Variants in MEI4 observed in about 807,000 individuals in gnomAD.
MEI4 encodes the protein meiosis-specific protein MEI4.
A neutral mutation model predicts 31.4 loss-of-function variants in MEI4; 27 were observed. The ratio of observed to expected loss-of-function variants is 0.86; its 90% confidence interval spans 0.63 to 1.19. The LOEUF is 1.19. Ranked by LOEUF, MEI4 falls within the 50% of genes most tolerant of loss-of-function variation. The pLI is 0.00. For missense variants in MEI4, 329 were observed against 398.9 expected, an observed-to-expected ratio of 0.82 and a Z score of 1.49; for synonymous variants, 122 against 145.4, an observed-to-expected ratio of 0.84 and a Z score of 1.16.
chr6:77,767,075 A>G (rs556156661), intron 3 of MEI4, among the ~76,000 whole-genome samples: 1 of 152,222 alleles, frequency 6.6e-6, no homozygotes, highest in South Asian at 2.1e-4. Flanking sequence ...CCTTGCTTAT[A>G]GCTGTATTAA....
chr6:77,685,433 A>G (rs896286825), intron 1 of MEI4, among the ~76,000 whole-genome samples: 3 of 149,894 alleles, frequency 2.0e-5, no homozygotes, highest in Admixed American at 6.7e-5. Flanking sequence ...AGTCCCTTGT[A>G]TATTTTGGAT....
chr6:77,858,052 T>C (rs1770783536), intron 4 of MEI4, among the ~76,000 whole-genome samples: 1 of 152,200 alleles, frequency 6.6e-6, no homozygotes, highest in African/African-American at 2.4e-5. Context: ...AGGAATCATA[T>C]TCAGGTATAA....
intron 4 of MEI4, among the ~76,000 whole-genome samples, chr6:77,883,342 A>G (rs71563079): frequency 0.14 from 21,259 of 151,958 alleles, 1,765 homozygotes; most frequent in East Asian, 0.39. Context: ...GAAATATATA[A>G]TAAATTATTG....
At chr6:77,908,069 T>C (rs1036708856) in intron 4 of MEI4, among the ~76,000 whole-genome samples, 10 of 151,842 alleles carry the variant, frequency 6.6e-5, no homozygotes, top group African/African-American at 2.4e-4. Context: ...GATGAGTAGA[T>C]TGCAAAAATT....
At chr6:77,897,267 G>C (rs1390771164) in intron 4 of MEI4, among the ~76,000 whole-genome samples, 4 of 151,888 alleles carry the variant, frequency 2.6e-5, no homozygotes, top group Non-Finnish European at 5.9e-5. Context: ...ACCAACAAGG[G>C]CCTCTGCCAT....
Position 77,827,394 on chromosome 6 carries a change from C to T in MEI4, c.769-1537C>T, listed in dbSNP as rs58367286. Among the ~76,000 whole-genome samples the T allele has an allele frequency of 7.2e-3, 969 of 135,464 alleles. 13 individuals are homozygous for T. Among genetic ancestry groups the T allele is most frequent in the African/African-American group, 0.025 (928 of 36,894 alleles). The allele number at this position is 135,464 out of a possible 152,430, so 88.9% of individuals were successfully genotyped here. A position where few individuals can be genotyped will look rare whatever the true frequency, so the allele number is the denominator to read the frequency against. On this transcript the variant is annotated intron_variant, in intron 3 of 4. Transcript: ENST00000684080. Reference sequence around the variant, plus strand: ...AAAAAAAAAAAAAAAAAAGAACCTACATAATTAGGTAACTCTGAAACAGCT... The same window carrying T: ...AAAAAAAAAAAAAAAAAAGAACCTATATAATTAGGTAACTCTGAAACAGCT...
intron 2 of MEI4, among the ~76,000 whole-genome samples, chr6:77,692,465 C>G (rs941212840): frequency 6.6e-6 from 1 of 151,952 alleles, no homozygotes; most frequent in Non-Finnish European, 1.5e-5. Context: ...GAAAGAGGAA[C>G]ATAGAGGATG....
chr6:77,704,399 G>T (rs1766287639), intron 2 of MEI4, among the ~76,000 whole-genome samples: 1 of 152,148 alleles, frequency 6.6e-6, no homozygotes, highest in Non-Finnish European at 1.5e-5. Flanking sequence ...CTTGATTATA[G>T]ATAAGGAAAT....
intron 3 of MEI4, among the ~76,000 whole-genome samples, chr6:77,791,571 A>G (rs1768934617): frequency 6.7e-6 from 1 of 149,536 alleles, no homozygotes; most frequent in Admixed American, 6.7e-5. Context: ...TGGGAGATAT[A>G]CCTAATGCTA....
At chr6:77,879,690 C>T (rs1188670689) in intron 4 of MEI4, among the ~76,000 whole-genome samples, 1 of 152,072 alleles carries the variant, frequency 6.6e-6, no homozygotes, top group East Asian at 1.9e-4. Context: ...TGGCCATCTG[C>T]GGTATATACT....
At chr6:77,817,731 CT>C (rs1769721359) in intron 3 of MEI4, among the ~76,000 whole-genome samples, 1 of 151,560 alleles carries the variant, frequency 6.6e-6, no homozygotes, top group African/African-American at 2.4e-5. Context: ...AAATCTTGTT[CT>C]AGTGTTTATT....
At chr6:77,895,297 A>T (rs1766060605) in intron 4 of MEI4, among the ~76,000 whole-genome samples, 1 of 152,112 alleles carries the variant, frequency 6.6e-6, no homozygotes, top group Non-Finnish European at 1.5e-5. Flanking sequence ...AGAAGGCTAA[A>T]TTGTAAGGAT....
chr6:77,859,938 T>C (rs1770829239), intron 4 of MEI4, among the ~76,000 whole-genome samples: 1 of 152,196 alleles, frequency 6.6e-6, no homozygotes, highest in Admixed American at 6.5e-5. Flanking sequence ...CTTATAATTA[T>C]TCTGAACTGA....
intron 2 of MEI4, among the ~76,000 whole-genome samples, chr6:77,696,581 A>G (rs1183860898): frequency 2.0e-5 from 3 of 151,352 alleles, no homozygotes; most frequent in Non-Finnish European, 4.4e-5. Flanking sequence ...TGATTTGCGT[A>G]TATTGAACCA....
chr6:77,803,444 G>T (rs1267042879), intron 3 of MEI4, among the ~76,000 whole-genome samples: 1 of 152,052 alleles, frequency 6.6e-6, no homozygotes, highest in East Asian at 1.9e-4. Flanking sequence ...AGAGTAGTTT[G>T]ATCGTCTGAA....
At chr6:77,791,597 G>A (rs1768935719) in intron 3 of MEI4, among the ~76,000 whole-genome samples, 1 of 149,744 alleles carries the variant, frequency 6.7e-6, no homozygotes, top group Admixed American at 6.7e-5. Flanking sequence ...CGAGTTAGTG[G>A]GTGCAGCGCA....
At chr6:77,712,430 CT>C (rs1292565263) in intron 2 of MEI4, among the ~76,000 whole-genome samples, 1 of 151,996 alleles carries the variant, frequency 6.6e-6, no homozygotes, top group Non-Finnish European at 1.5e-5. Flanking sequence ...AGACACATAA[CT>C]TTATGGCATG....
At chr6:77,912,808 T>A (rs976995793) in intron 4 of MEI4, among the ~76,000 whole-genome samples, 1 of 152,136 alleles carries the variant, frequency 6.6e-6, no homozygotes, top group African/African-American at 2.4e-5. Context: ...TTCTCTTGCC[T>A]AATTGCTCTG....
intron 2 of MEI4, among the ~76,000 whole-genome samples, chr6:77,694,786 G>C (rs1765974348): frequency 6.6e-6 from 1 of 151,710 alleles, no homozygotes; most frequent in African/African-American, 2.4e-5. Context: ...CCAGTAATGG[G>C]ATGGCTGGGT....
Sources: allele counts gnomAD v4.1 joint callset (sites outside exome capture counted in the v4.1 genomes callset), GRCh38; gene constraint gnomAD v4.1.1; transcripts MANE v1.5; gene names NCBI Gene and HGNC (gene_info 2026-07-23, HGNC 2026-07-21).